The following CASK variants were observed in gnomAD, a reference collection of about 807,000 sequenced individuals.
The protein encoded by CASK is peripheral plasma membrane protein CASK.
In CASK, 4 loss-of-function variants were observed where a neutral mutation model predicts 82.9. The ratio of observed to expected loss-of-function variants is 0.05; its 90% CI spans 0.02 to 0.11. The LOEUF is 0.11. CASK is among the 10% of genes least tolerant of loss of function. CASK has a pLI of 1.00. For missense variants in CASK, 358 were observed against 720.9 expected (o/e 0.50, Z 5.76); for synonymous variants, 259 against 253.5 (o/e 1.02, Z -0.20).
In CASK at chrX:41,599,609, A is replaced by G. The variant is rs921375250; in HGVS notation, c.1156-10017T>C. 4.5e-5 allele frequency among the ~76,000 whole-genome samples: 5 copies of G among 112,029 alleles called. No individual in the cohort carries two copies. The Admixed American group carries it at 4.7e-4, about 11-fold the overall frequency. On this transcript the variant is annotated intron_variant, in intron 12 of 26. Coordinates refer to ENST00000378163, the MANE Select transcript of CASK (RefSeq NM_001367721.1). ...AGGGATTTATTTTTGAATTCAAGAAATTAAGACTTGCTTGACCTCCTAGTT... is the reference window on the plus strand; with the variant it reads ...AGGGATTTATTTTTGAATTCAAGAAGTTAAGACTTGCTTGACCTCCTAGTT...
chrX:41,641,699 CT>C (rs201815832), intron 8 of CASK, among the ~76,000 whole-genome samples: 6 of 110,134 alleles, frequency 5.4e-5, no homozygotes, highest in Non-Finnish European at 9.5e-5. Flanking sequence ...TAATTCCTAT[CT>C]TTTTTTTAAT....
intron 2 of CASK, among the ~76,000 whole-genome samples, chrX:41,822,916 G>A (rs112386313): frequency 0.046 from 4,977 of 108,798 alleles, 118 homozygotes; most frequent in Non-Finnish European, 0.074. Flanking sequence ...TCTCACTCTA[G>A]CACAATCTAC....
intron 1 of CASK, among the ~76,000 whole-genome samples, chrX:41,863,543 T>G (rs2071532819): frequency 8.9e-6 from 1 of 112,412 alleles, no homozygotes; most frequent in Admixed American, 9.4e-5. Context: ...CCTAGCAGGG[T>G]CTGCCCTAAA....
intron 2 of CASK, among the ~76,000 whole-genome samples, chrX:41,792,520 C>A (rs2069750886): frequency 9.1e-6 from 1 of 110,184 alleles, no homozygotes; most frequent in South Asian, 3.9e-4. Context: ...GAATTCCTGG[C>A]CTCAATCAAT....
chrX:41,919,923 A>T (rs1407344796), intron 1 of CASK, among the ~76,000 whole-genome samples: 1 of 112,317 alleles, frequency 8.9e-6, no homozygotes, highest in African/African-American at 3.2e-5. Context: ...TAATGATCTT[A>T]TATTTCAAAA....
chrX:41,896,683 T>G (rs903992149), intron 1 of CASK, among the ~76,000 whole-genome samples: 4 of 112,061 alleles, frequency 3.6e-5, no homozygotes, highest in Non-Finnish European at 7.5e-5. Flanking sequence ...TACGTAGGTG[T>G]AGAGATTTAT....
intron 22 of CASK, 42 bp from the exon 23 acceptor site, chrX:41,535,015 G>T: frequency 1.2e-6 from 1 of 839,453 alleles, no homozygotes; most frequent in Non-Finnish European, 1.8e-6. Context: ...TTTGTAGAAT[G>T]ACTATTTCAT....
In CASK at chrX:41,516,758, A is replaced by G. The variant is rs1391942751; in HGVS notation, c.*3662T>C. 1 of 111,175 alleles carries G rather than the reference A, an allele frequency of 9.0e-6. No homozygotes were observed. Among genetic ancestry groups the G allele is most frequent in the Non-Finnish European group, 1.9e-5 (1 of 53,036 alleles). 9.2% of individuals were successfully genotyped at this position (111,175 alleles called of 1,213,427 possible). On this transcript the variant is annotated 3_prime_UTR_variant, in exon 27 of 27. Coordinates refer to ENST00000378163, the MANE Select transcript of CASK (RefSeq NM_001367721.1). ...AGGTGCCTTCTCTTTTCAAAGAGAC[A>G]GTGTGGGAGGCATTTCTATTAAGAA...
intron 3 of CASK, among the ~76,000 whole-genome samples, chrX:41,764,296 T>C (rs999286405): frequency 2.7e-5 from 3 of 110,251 alleles, no homozygotes; most frequent in African/African-American, 9.9e-5. Flanking sequence ...TGCTAGCTAT[T>C]CCTCCTTTTC....
chrX:41,876,825 C>T (rs1150372), intron 1 of CASK, among the ~76,000 whole-genome samples: 21,374 of 110,872 alleles, frequency 0.19, 1,643 homozygotes, highest in Middle Eastern at 0.3. Flanking sequence ...GATACAAAAC[C>T]AGAATATCAA....
At chrX:41,747,903 A>G (rs1159851674) in intron 3 of CASK, among the ~76,000 whole-genome samples, 1 of 112,233 alleles carries the variant, frequency 8.9e-6, no homozygotes, top group Non-Finnish European at 1.9e-5. Flanking sequence ...TGATTGCTTT[A>G]ATTTGCATTT....
chrX:41,637,199 C>T (rs761774390), intron 8 of CASK, among the ~76,000 whole-genome samples: 44 of 108,457 alleles, frequency 4.1e-4, no homozygotes, highest in African/African-American at 1.4e-3. Context: ...GCGATCCTTC[C>T]GCCTCGGCCT....
intron 5 of CASK, among the ~76,000 whole-genome samples, chrX:41,700,956 G>C (rs866172611): frequency 1.3e-4 from 5 of 39,980 alleles, no homozygotes; most frequent in African/African-American, 5.1e-4. Flanking sequence ...AAAAAAAAAA[G>C]GTTCCTGTTA....
At chrX:41,736,223 G>A (rs186776968) in intron 5 of CASK, among the ~76,000 whole-genome samples, 4 of 112,380 alleles carry the variant, frequency 3.6e-5, no homozygotes, top group East Asian at 2.8e-4. Context: ...CACCGGGCGC[G>A]GTGGCTCACG....
At chrX:41,895,071 T>C (rs1052497911) in intron 1 of CASK, among the ~76,000 whole-genome samples, 7 of 111,724 alleles carry the variant, frequency 6.3e-5, no homozygotes, top group African/African-American at 2.3e-4. Context: ...GCAGACATGG[T>C]ATCTAGAAGG....
chrX:41,680,804 A>G (rs1277118915), intron 5 of CASK, among the ~76,000 whole-genome samples: 1 of 110,486 alleles, frequency 9.1e-6, no homozygotes, highest in Non-Finnish European at 1.9e-5. Flanking sequence ...AATCCCAGCT[A>G]CTTGGGAGGC....
chrX:41,678,712 T>A (rs1255256919), intron 5 of CASK, among the ~76,000 whole-genome samples: 8 of 111,330 alleles, frequency 7.2e-5, no homozygotes, highest in Non-Finnish European at 1.9e-5. Context: ...ATGGAGGTTT[T>A]CTTCAACATT....
At chrX:41,787,073 G>C (rs2069622626) in intron 3 of CASK, 105 bp downstream of exon 3, 1 of 565,925 alleles carries the variant, frequency 1.8e-6, no homozygotes, top group Admixed American at 2.3e-5. Flanking sequence ...TTTCTGAACA[G>C]ATAAGTTCAC....
At chrX:41,886,103 T>C (rs1318991807) in intron 1 of CASK, among the ~76,000 whole-genome samples, 2 of 111,852 alleles carry the variant, frequency 1.8e-5, no homozygotes, top group Non-Finnish European at 3.8e-5. Flanking sequence ...GCTGTTACAA[T>C]AGTGAATAAC....
Sources: allele counts gnomAD v4.1 joint callset (sites outside exome capture counted in the v4.1 genomes callset), GRCh38; gene constraint gnomAD v4.1.1; transcripts MANE v1.5; gene names NCBI Gene and HGNC (gene_info 2026-07-23, HGNC 2026-07-21).